The following DSG1 variants were observed in gnomAD, a reference collection of about 807,000 sequenced individuals.
DSG1 encodes desmoglein 1.
DSG1 carries 39 observed loss-of-function variants against 97.5 expected under a neutral mutation model. That is an observed-to-expected ratio of 0.40 (90% CI 0.31 to 0.52). The LOEUF is 0.52. Among genes scored for constraint, DSG1 ranks in the 20% least tolerant of loss-of-function variants. DSG1 has a pLI of 0.53. For synonymous variants in DSG1, 475 were observed against 443.4 expected, an observed-to-expected ratio of 1.07 and a Z score of -0.90; for missense variants, 1,311 against 1,295.4, an observed-to-expected ratio of 1.01 and a Z score of -0.18.
At position 31,339,845 on chromosome 18, in the gene DSG1, A is replaced by G. The variant is rs751307504; in HGVS notation, c.1507A>G (p.Asn503Asp). Residue 503 changes from asparagine (N) to aspartate (D), a missense_variant, in exon 11 of 15, where the codon AAT becomes GAT. This residue lies in a region of DSG1 where 1,038 missense variants were observed against 964.6 expected (regional missense o/e 1.08). Coordinates refer to ENST00000257192, the MANE Select transcript of DSG1 (RefSeq NM_001942.4). The part of the protein sequence containing the change: ...NTEPNTKITT[N>D]TGRQESTSST... ...AGAGCCGAACACTAAAATTACTACCAATACTGGCAGACAAGAAAGTACTTC... is the reference window on the plus strand; with the variant it reads ...AGAGCCGAACACTAAAATTACTACCGATACTGGCAGACAAGAAAGTACTTC... 1.2e-6 allele frequency: 2 copies of G among 1,614,068 alleles called. No homozygotes were observed. The highest frequency in any genetic ancestry group is 1.7e-5 in the Admixed American group (1 of 60,024).
intron 10 of DSG1, among the ~76,000 whole-genome samples, chr18:31,338,743 A>G (rs1280368548): frequency 6.6e-6 from 1 of 152,202 alleles, no homozygotes; most frequent in Non-Finnish European, 1.5e-5. Context: ...TTAAAATGGA[A>G]CAATAACAAT....
Position 31,326,609 on chromosome 18 carries a change from G to C in DSG1, c.77G>C (p.Arg26Pro). 1.9e-6 allele frequency: 3 copies of C among 1,603,558 alleles called. No individual in the cohort carries two copies. The highest frequency in any genetic ancestry group is 2.6e-6 in the Non-Finnish European group (3 of 1,171,258). Residue 26 changes from arginine to proline, a missense_variant, in exon 2 of 15, where the codon CGA becomes CCA. Coordinates refer to ENST00000257192, the MANE Select transcript of DSG1 (RefSeq NM_001942.4). Reference sequence around the variant, plus strand: ...GTGGTAGAAGTTAACAGTGAATTCCGAATCCAGGTAATATATAACAAATCC... The same window carrying C: ...GTGGTAGAAGTTAACAGTGAATTCCCAATCCAGGTAATATATAACAAATCC... ...LVVVEVNSEF[R>P]IQVRDYNTKN...
In DSG1 at chr18:31,354,942, G is replaced by A. The variant is rs2071941267; in HGVS notation, c.2746G>A (p.Glu916Lys). The change falls in exon 15 of 15, where the codon GAG (glutamate) becomes AAG (lysine). Residue 916 changes from glutamate to lysine, a missense_variant. Physicochemically the swap from Glu to Lys is moderately conservative, Grantham distance 56. Around this residue, in one of 3 missense-constraint regions of DSG1, gnomAD observed 1,038 missense variants for 964.6 expected, o/e 1.08. Coordinates refer to ENST00000257192, the MANE Select transcript of DSG1 (RefSeq NM_001942.4). ...PTSLTIHHPR[E>K]SSNVVVTERV... ...CTCTCTGACTATCCATCATCCTAGAGAGTCTTCAAATGTGGTAGTGACAGA... is the reference window on the plus strand; with the variant it reads ...CTCTCTGACTATCCATCATCCTAGAAAGTCTTCAAATGTGGTAGTGACAGA... 6.2e-7 allele frequency: 1 copy of A among 1,614,086 alleles called. No homozygotes were observed. The highest frequency in any genetic ancestry group is 1.3e-5 in the African/African-American group (1 of 74,928).
intron 14 of DSG1, among the ~76,000 whole-genome samples, chr18:31,349,436 C>T (rs527712024): frequency 6.0e-5 from 9 of 151,152 alleles, no homozygotes; most frequent in South Asian, 4.2e-4. Flanking sequence ...TTAGGATTGA[C>T]GTGGCGATGC....
chr18:31,357,246 A>G lies in DSG1; in HGVS notation c.*1900A>G, dbSNP rs1266280329. 6.6e-6 allele frequency among the ~76,000 whole-genome samples: 1 copy of G among 152,072 alleles called. No individual in the cohort carries two copies. The highest frequency in any genetic ancestry group is 1.9e-4 in the East Asian group (1 of 5,192). ...CTTTTAACTCTGTAGAATATGTAAA[A>G]TTTTGATAGTCTGTAGTATGCTAAA... On this transcript the variant is annotated 3_prime_UTR_variant, in exon 15 of 15. Transcript: ENST00000257192.
intron 9 of DSG1, among the ~76,000 whole-genome samples, chr18:31,337,502 C>G (rs889499605): frequency 1.3e-5 from 2 of 152,206 alleles, no homozygotes; most frequent in African/African-American, 2.4e-5. Flanking sequence ...ATCCACCCTC[C>G]TCAGCCTCCC....
At chr18:31,343,224 T>C in intron 11 of DSG1, 1 of 550,722 alleles carries the variant, frequency 1.8e-6, no homozygotes, top group Non-Finnish European at 3.2e-6. Context: ...CTATTTGTAA[T>C]TTTTAATACT....
intron 1 of DSG1, 84 bp downstream of exon 1, chr18:31,318,432 AT>A: frequency 9.5e-7 from 1 of 1,048,858 alleles, no homozygotes; most frequent in South Asian, 1.3e-5. Flanking sequence ...AGTGGGCATT[AT>A]TTCTAACCTA....
chr18:31,326,831 A>T, intron 2 of DSG1, 43 bp from the exon 3 acceptor site: 1 of 1,601,182 alleles, frequency 6.2e-7, no homozygotes, highest in South Asian at 1.1e-5. Flanking sequence ...TGAATTACGA[A>T]TTCAAATTAA....
chr18:31,346,214 A>G lies in DSG1; in HGVS notation c.2100+16A>G. ...CTTCTGTCAGGTAAGGTCCCTAGCC[A>G]CATGCCTTTCTCGCCATCCATGTGC... On this transcript the variant is annotated intron_variant, in intron 14 of 14. Transcript: ENST00000257192. The G allele has an allele frequency of 6.2e-7, 1 of 1,604,438 alleles. No individual in the cohort carries two copies. The highest frequency in any genetic ancestry group is 8.5e-7 in the Non-Finnish European group (1 of 1,171,346).
Position 31,357,312 on chromosome 18 carries a change from T to C in DSG1, c.*1966T>C, listed in dbSNP as rs1383846964. Reference sequence around the variant, plus strand: ...AAAGTCATTCAAAGGGAGTCTTTTCTTTTTCTGACACTTAGGGGGCCACAT... The same window carrying C: ...AAAGTCATTCAAAGGGAGTCTTTTCCTTTTCTGACACTTAGGGGGCCACAT... On this transcript the variant is annotated 3_prime_UTR_variant, in exon 15 of 15. Coordinates refer to ENST00000257192, the MANE Select transcript of DSG1 (RefSeq NM_001942.4). Among the ~76,000 whole-genome samples, 3 of 152,094 alleles carry C rather than the reference T, an allele frequency of 2.0e-5. No individual in the cohort carries two copies. Among genetic ancestry groups the C allele is most frequent in the Admixed American group, 2.0e-4 (3 of 15,266 alleles).
intron 8 of DSG1, 128 bp from the exon 9 acceptor site, chr18:31,336,226 G>C: frequency 1.3e-6 from 1 of 770,786 alleles, no homozygotes. Flanking sequence ...AATGGATTGT[G>C]TATTTGTGTG....
intron 1 of DSG1, among the ~76,000 whole-genome samples, chr18:31,325,134 C>A (rs1598697521): frequency 6.6e-6 from 1 of 152,228 alleles, no homozygotes; most frequent in African/African-American, 2.4e-5. Flanking sequence ...AAGCTTACAC[C>A]AACCCACCAC....
intron 11 of DSG1, among the ~76,000 whole-genome samples, chr18:31,340,539 C>T (rs1483664360): frequency 3.5e-5 from 5 of 142,462 alleles, no homozygotes; most frequent in South Asian, 2.2e-4. Flanking sequence ...ACCCAGGAGG[C>T]GGGGGTTCAG....
At chr18:31,339,597 A>G (rs553534460) in intron 10 of DSG1, 147 bp from the exon 11 acceptor site, 2 of 541,722 alleles carry the variant, frequency 3.7e-6, no homozygotes, top group Admixed American at 3.7e-5. Flanking sequence ...AAACCGAGTC[A>G]AAAACAAGGG....
chr18:31,336,889 G>A (rs2071758482), intron 9 of DSG1, among the ~76,000 whole-genome samples: 1 of 152,030 alleles, frequency 6.6e-6, no homozygotes, highest in East Asian at 1.9e-4. Flanking sequence ...ATGTCTTATT[G>A]ATCAATTAGC....
intron 1 of DSG1, among the ~76,000 whole-genome samples, chr18:31,319,264 G>A (rs2071639306): frequency 6.6e-6 from 1 of 152,196 alleles, no homozygotes; most frequent in Non-Finnish European, 1.5e-5. Flanking sequence ...CAGGTGCCAA[G>A]TAAATTGCCC....
chr18:31,340,306 A>G (rs2071780827), intron 11 of DSG1, among the ~76,000 whole-genome samples: 1 of 151,756 alleles, frequency 6.6e-6, no homozygotes, highest in Non-Finnish European at 1.5e-5. Context: ...GAAGAAGACA[A>G]TCAGAAGAGG....
chr18:31,323,052 T>C (rs4356544), intron 1 of DSG1, among the ~76,000 whole-genome samples: 55,453 of 152,078 alleles, frequency 0.36, 12,168 homozygotes, highest in Non-Finnish European at 0.49. Context: ...ACTGTTTTCA[T>C]AGAATTTTAG....
Sources: gnomAD v4.1 joint callset for allele counts (sites outside exome capture counted in the v4.1 genomes callset) on GRCh38, gnomAD v4.1.1 for gene constraint, gnomAD v4.1.1 regional missense constraint, MANE v1.5 for transcripts, NCBI Gene and HGNC (gene_info 2026-07-23, HGNC 2026-07-21) for gene names.